Variants in SLC7A11 observed in about 807,000 individuals in gnomAD.
SLC7A11 encodes the protein solute carrier family 7 member 11, also known as cystine/glutamate transporter.
A neutral mutation model predicts 54.5 loss-of-function variants in SLC7A11; 35 were observed. The observed-to-expected ratio is 0.64, with a 90% CI of 0.49 to 0.85. The LOEUF (loss-of-function observed/expected upper bound fraction) is 0.85, where lower values mean the gene tolerates loss of function less well. Among genes scored for constraint, SLC7A11 ranks in the 40% least tolerant of loss-of-function variants. The pLI is 0.00. For synonymous variants in SLC7A11, 230 were observed against 225.2 expected (o/e 1.02, Z -0.19); for missense variants, 583 against 618.1 (o/e 0.94, Z 0.60).
chr4:138,217,606 T>C (rs1435091573), intron 5 of SLC7A11, among the ~76,000 whole-genome samples: 1 of 152,188 alleles, frequency 6.6e-6, no homozygotes, highest in African/African-American at 2.4e-5. Flanking sequence ...AACAGATCTA[T>C]CGTACTCTCA....
At chr4:138,180,047 GC>G (rs5862368) in intron 10 of SLC7A11, among the ~76,000 whole-genome samples, 79,604 of 151,788 alleles carry the variant, frequency 0.52, 21,194 homozygotes, top group East Asian at 0.66. Flanking sequence ...AAGATGACAA[GC>G]TTTTTCTCCA....
intron 9 of SLC7A11, among the ~76,000 whole-genome samples, chr4:138,182,068 G>A (rs1287875828): frequency 6.6e-6 from 1 of 151,994 alleles, no homozygotes; most frequent in East Asian, 1.9e-4. Context: ...TTTCTGCAAA[G>A]ATGAAAGTGA....
Position 138,223,281 on chromosome 4 carries a change from G to A in SLC7A11, c.564C>T (p.Ala188=). 2 of 1,613,492 alleles carry A rather than the reference G, an allele frequency of 1.2e-6. No individual in the cohort carries two copies. Among genetic ancestry groups the A allele is most frequent in the Non-Finnish European group, 1.7e-6 (2 of 1,179,488 alleles). Residue 188 remains alanine (A), a synonymous_variant, in exon 4 of 12, where the codon GCC becomes GCT. Coordinates refer to ENST00000280612, the MANE Select transcript of SLC7A11 (RefSeq NM_014331.4). ...AAAAGGTTAAGAAAATCTGGATCCGGGCGCTCCAGCTGACACTCATGCTAT... is the reference window on the plus strand; with the variant it reads ...AAAAGGTTAAGAAAATCTGGATCCGAGCGCTCCAGCTGACACTCATGCTAT... ...VLNSMSVSWS[A]RIQIFLTFCK...
chr4:138,199,438 C>T (rs1578647498), intron 6 of SLC7A11, among the ~76,000 whole-genome samples: 1 of 152,114 alleles, frequency 6.6e-6, no homozygotes, highest in East Asian at 1.9e-4. Context: ...TTCCTTTCTT[C>T]ATTTGACTAA....
chr4:138,222,223 CCA>C (rs1220681509), intron 4 of SLC7A11, among the ~76,000 whole-genome samples: 1 of 152,220 alleles, frequency 6.6e-6, no homozygotes, highest in Non-Finnish European at 1.5e-5. Context: ...TTTCCCAGCT[CCA>C]GAGTGGCTGA....
At chr4:138,179,962 G>A (rs1736694916) in intron 10 of SLC7A11, among the ~76,000 whole-genome samples, 1 of 152,142 alleles carries the variant, frequency 6.6e-6, no homozygotes, top group Non-Finnish European at 1.5e-5. Flanking sequence ...CAACATGACT[G>A]ACAACCTTAT....
intron 11 of SLC7A11, chr4:138,176,408 T>A (rs907319483): frequency 2.6e-5 from 4 of 152,104 alleles, no homozygotes; most frequent in African/African-American, 9.7e-5. Context: ...AACACTAAAT[T>A]TGGAGGCCTT....
intron 11 of SLC7A11, among the ~76,000 whole-genome samples, chr4:138,172,453 T>C (rs1736450098): frequency 6.6e-6 from 1 of 152,166 alleles, no homozygotes; most frequent in Admixed American, 6.5e-5. Context: ...ACTTGTAACA[T>C]GTTATTGAGA....
intron 7 of SLC7A11, 47 bp downstream of exon 7, chr4:138,185,074 G>T (rs749381548): frequency 2.5e-6 from 4 of 1,606,194 alleles, no homozygotes; most frequent in East Asian, 4.5e-5. Flanking sequence ...AATTGCATCA[G>T]CTCATTAACC....
chr4:138,223,107 T>G, intron 4 of SLC7A11, 92 bp downstream of exon 4: 2 of 1,120,466 alleles, frequency 1.8e-6, no homozygotes, highest in Non-Finnish European at 2.6e-6. Context: ...CAGAGACTAA[T>G]TAAGGATTCT....
intron 3 of SLC7A11, among the ~76,000 whole-genome samples, chr4:138,228,631 C>T (rs187415844): frequency 6.6e-6 from 1 of 151,624 alleles, no homozygotes; most frequent in East Asian, 1.9e-4. Context: ...TGATGGTGGG[C>T]GCCTGTAGTC....
chr4:138,220,026 G>A (rs139379234), intron 4 of SLC7A11, among the ~76,000 whole-genome samples: 1,723 of 147,092 alleles, frequency 0.012, 49 homozygotes, highest in African/African-American at 0.041. Flanking sequence ...TGCAACCTCC[G>A]CCTCCTGGGT....
At chr4:138,191,076 T>A (rs1737000486) in intron 6 of SLC7A11, among the ~76,000 whole-genome samples, 1 of 152,090 alleles carries the variant, frequency 6.6e-6, no homozygotes, top group South Asian at 2.1e-4. Flanking sequence ...GCATAGGTGG[T>A]CACTGAAAAA....
intron 6 of SLC7A11, among the ~76,000 whole-genome samples, chr4:138,190,099 C>T (rs1381481032): frequency 6.6e-6 from 1 of 152,112 alleles, no homozygotes; most frequent in Non-Finnish European, 1.5e-5. Context: ...GGCATCTAAG[C>T]TTGTCTTTGT....
At chr4:138,224,656 C>G (rs1043599458) in intron 3 of SLC7A11, among the ~76,000 whole-genome samples, 55 of 151,932 alleles carry the variant, frequency 3.6e-4, no homozygotes, top group Non-Finnish European at 3.2e-4. Context: ...TAAGGTATAT[C>G]ATTTTAATAG....
At chr4:138,210,599 C>T (rs1239315863) in intron 6 of SLC7A11, among the ~76,000 whole-genome samples, 2 of 152,058 alleles carry the variant, frequency 1.3e-5, no homozygotes, top group African/African-American at 4.8e-5. Context: ...TGAAGAGACA[C>T]TTCTCAAAAG....
intron 3 of SLC7A11, among the ~76,000 whole-genome samples, chr4:138,228,637 T>C (rs1178525151): frequency 4.0e-5 from 6 of 151,282 alleles, no homozygotes; most frequent in Admixed American, 4.0e-4. Flanking sequence ...TGGGCGCCTG[T>C]AGTCCCAGCT....
intron 6 of SLC7A11, among the ~76,000 whole-genome samples, chr4:138,201,758 A>T (rs1329513854): frequency 1.2e-4 from 18 of 152,146 alleles, no homozygotes. Context: ...AATAAAAAGC[A>T]TACCATTAAA....
Position 138,165,831 on chromosome 4 carries a change from C to A in SLC7A11, c.*6125G>T, listed in dbSNP as rs1352570502. The A allele has an allele frequency of 1.3e-5, 2 of 152,032 alleles. No individual in the cohort carries two copies. The highest frequency in any genetic ancestry group is 4.8e-5 in the African/African-American group (2 of 41,402). 9.4% of individuals were successfully genotyped at this position (152,032 alleles called of 1,614,324 possible). On this transcript the variant is annotated 3_prime_UTR_variant, in exon 12 of 12. Coordinates refer to ENST00000280612, the MANE Select transcript of SLC7A11 (RefSeq NM_014331.4). ...GATTTATACCAGTAGTAATAACATT[C>A]ATAAGGAAAAACTATTAGGTAACAA...
Sources: gnomAD v4.1 joint callset for allele counts (sites outside exome capture counted in the v4.1 genomes callset) on GRCh38, gnomAD v4.1.1 for gene constraint, MANE v1.5 for transcripts, NCBI Gene and HGNC (gene_info 2026-07-23, HGNC 2026-07-21) for gene names.